Variants in NEDD4 observed in about 807,000 individuals in gnomAD.
The protein encoded by NEDD4 is NEDD4 E3 ubiquitin protein ligase.
A neutral mutation model predicts 144.9 loss-of-function variants in NEDD4; 99 were observed. The ratio of observed to expected loss-of-function variants is 0.68; its 90% confidence interval spans 0.58 to 0.81. The LOEUF (loss-of-function observed/expected upper bound fraction) is 0.81, where lower values mean the gene tolerates loss of function less well. Ranked by LOEUF, NEDD4 falls within the 30% of genes least tolerant of loss-of-function variation. NEDD4 has a pLI of 0.00. For synonymous variants in NEDD4, 318 were observed against 350.6 expected (o/e 0.91, Z 1.04); for missense variants, 985 against 1,065.9 (o/e 0.92, Z 1.06).
chr15:55,940,199 A>G (rs767240510), intron 4 of NEDD4, among the ~76,000 whole-genome samples: 6 of 152,152 alleles, frequency 3.9e-5, no homozygotes, highest in African/African-American at 7.2e-5. Context: ...GTTTAATACT[A>G]TATTATACAC....
rs1217262780 is a variant in NEDD4 at position 55,869,872 on chromosome 15, T to C, written c.405-191A>G. Among the ~76,000 whole-genome samples the C allele has an allele frequency of 4.9e-5, 7 of 142,558 alleles. 1 individual carries two copies. The East Asian group carries it at 1.4e-3, about 29-fold the overall frequency. The allele number at this position is 142,558 out of a possible 152,430, so 93.5% of individuals were successfully genotyped here. A position where few individuals can be genotyped will look rare whatever the true frequency, so the allele number is the denominator to read the frequency against. On this transcript the variant is annotated intron_variant, in intron 7 of 28. Transcript: ENST00000435532. Reference sequence around the variant, plus strand: ...GAAAAGGCAAACATATATAAATAAATAAATAAATAAATAAATAAATAATTG... The same window carrying C: ...GAAAAGGCAAACATATATAAATAAACAAATAAATAAATAAATAAATAATTG...
At chr15:55,951,040 T>C (rs2037228762) in intron 4 of NEDD4, among the ~76,000 whole-genome samples, 1 of 152,196 alleles carries the variant, frequency 6.6e-6, no homozygotes, top group African/African-American at 2.4e-5. Context: ...ATTCACTTGA[T>C]AGGCCCTAAT....
chr15:55,924,844 G>C, intron 4 of NEDD4, 145 bp from the exon 5 acceptor site: 1 of 692,770 alleles, frequency 1.4e-6, no homozygotes, highest in South Asian at 1.7e-5. Flanking sequence ...GAGGTGGGTG[G>C]ATCGCCTGAT....
At chr15:55,943,682 T>A (rs1595864896) in intron 4 of NEDD4, among the ~76,000 whole-genome samples, 1 of 152,296 alleles carries the variant, frequency 6.6e-6, no homozygotes, top group African/African-American at 2.4e-5. Flanking sequence ...AGAGCCCTCA[T>A]GGAGAACTTC....
chr15:55,911,036 T>A (rs560975876), intron 5 of NEDD4, among the ~76,000 whole-genome samples: 21 of 151,686 alleles, frequency 1.4e-4, no homozygotes, highest in Non-Finnish European at 2.6e-4. Context: ...GCCTCCCACA[T>A]CCCCAGGCTA....
intron 4 of NEDD4, among the ~76,000 whole-genome samples, chr15:55,932,003 A>G (rs1404045264): frequency 3.3e-5 from 5 of 152,128 alleles, no homozygotes; most frequent in African/African-American, 1.2e-4. Flanking sequence ...GAATCATACA[A>G]TATATGGTCT....
chr15:55,839,026 TAATTTA>T (rs2033344549), intron 21 of NEDD4, among the ~76,000 whole-genome samples: 1 of 148,968 alleles, frequency 6.7e-6, no homozygotes, highest in Non-Finnish European at 1.5e-5. Flanking sequence ...TTTTATTTTT[TAATTTA>T]ATTTTTTTTT....
intron 8 of NEDD4, among the ~76,000 whole-genome samples, chr15:55,866,267 A>T (rs2034584799): frequency 6.7e-6 from 1 of 149,002 alleles, no homozygotes. Flanking sequence ...TGTTCTCTCT[A>T]TTTTTTCTTT....
chr15:55,916,762 C>G (rs747608721), intron 5 of NEDD4: 1 of 1,613,826 alleles, frequency 6.2e-7, no homozygotes, highest in Admixed American at 1.7e-5. Flanking sequence ...AAGTCATCTC[C>G]GGAGGTTTCT....
chr15:55,872,091 G>T (rs1225320096), intron 7 of NEDD4, among the ~76,000 whole-genome samples: 3 of 151,988 alleles, frequency 2.0e-5, no homozygotes, highest in Non-Finnish European at 4.4e-5. Flanking sequence ...AATGGTTTTA[G>T]ATGAATTCAT....
At chr15:55,840,944 G>A (rs1409803055) in intron 19 of NEDD4, among the ~76,000 whole-genome samples, 3 of 152,146 alleles carry the variant, frequency 2.0e-5, no homozygotes, top group Non-Finnish European at 2.9e-5. Context: ...TTGTTTGTTC[G>A]TTTGTTTTTG....
intron 18 of NEDD4, among the ~76,000 whole-genome samples, chr15:55,845,344 A>C (rs1192013038): frequency 2.6e-5 from 4 of 152,070 alleles, no homozygotes; most frequent in Admixed American, 2.0e-4. Flanking sequence ...CTACTTAATA[A>C]CCATGGGACT....
intron 2 of NEDD4, among the ~76,000 whole-genome samples, chr15:55,960,819 G>A (rs2037413111): frequency 6.6e-6 from 1 of 152,136 alleles, no homozygotes; most frequent in Non-Finnish European, 1.5e-5. Flanking sequence ...CTGGACCCCA[G>A]TAAAAGCCTC....
chr15:55,867,815 G>A (rs1595770905), intron 8 of NEDD4, among the ~76,000 whole-genome samples: 1 of 152,316 alleles, frequency 6.6e-6, no homozygotes, highest in East Asian at 1.9e-4. Context: ...CAGCACTTTG[G>A]GAAGCCGAGG....
At chr15:55,956,410 A>G (rs1196148569) in intron 2 of NEDD4, among the ~76,000 whole-genome samples, 31 of 152,002 alleles carry the variant, frequency 2.0e-4, no homozygotes, top group Admixed American at 2.0e-3. Context: ...TTTTTTTCCT[A>G]TGTGTTCCTA....
chr15:55,900,584 T>C (rs2035882158), intron 5 of NEDD4, among the ~76,000 whole-genome samples: 1 of 152,214 alleles, frequency 6.6e-6, no homozygotes, highest in Non-Finnish European at 1.5e-5. Context: ...TTAAAAAATA[T>C]CCTAAGAGCC....
intron 1 of NEDD4, among the ~76,000 whole-genome samples, chr15:55,971,489 G>A (rs561760854): frequency 6.6e-6 from 1 of 152,130 alleles, no homozygotes; most frequent in East Asian, 1.9e-4. Flanking sequence ...GCCAAGCATG[G>A]CAGCGTGCAC....
At chr15:55,877,205 G>A (rs553985462) in intron 5 of NEDD4, among the ~76,000 whole-genome samples, 63 of 151,742 alleles carry the variant, frequency 4.2e-4, no homozygotes, top group Non-Finnish European at 8.2e-4. Context: ...TTTAGTCCAG[G>A]GTCCAATTCA....
chr15:55,985,919 T>C (rs537993757), intron 1 of NEDD4, among the ~76,000 whole-genome samples: 1 of 152,192 alleles, frequency 6.6e-6, no homozygotes, highest in Admixed American at 6.5e-5. Context: ...TGGCTGATTG[T>C]AGATAGCTGA....
Sources: allele counts gnomAD v4.1 joint callset (sites outside exome capture counted in the v4.1 genomes callset), GRCh38; gene constraint gnomAD v4.1.1; transcripts MANE v1.5; gene names NCBI Gene and HGNC (gene_info 2026-07-23, HGNC 2026-07-21).